The following ZNF821 variants were observed in gnomAD, a reference collection of about 807,000 sequenced individuals.
The protein encoded by ZNF821 is zinc finger protein 821.
A neutral mutation model predicts 44.3 loss-of-function variants in ZNF821; 16 were observed. That is an observed-to-expected ratio of 0.36 (90% CI 0.24 to 0.55). ZNF821 has a LOEUF of 0.55. ZNF821 is among the 20% of genes least tolerant of loss of function. The probability of loss-of-function intolerance (pLI) is 0.86; values close to 1 mark genes in which losing one functional copy is unlikely to be tolerated. For synonymous variants in ZNF821, 204 were observed against 197.6 expected (o/e 1.03, Z -0.27); for missense variants, 436 against 547.6 (o/e 0.80, Z 2.03).
chr16:71,879,775 C>G (rs2036232837), intron 3 of ZNF821, 132 bp downstream of exon 3: 1 of 863,360 alleles, frequency 1.2e-6, no homozygotes, highest in Admixed American at 2.6e-5. Flanking sequence ...CTCTTCTGCT[C>G]AGCAAACTGT....
rs2142332879 is a variant in ZNF821, at chr16:71,860,277, A to G, written c.980T>C (p.Met327Thr). The G allele has an allele frequency of 1.2e-6, 2 of 1,613,770 alleles. No homozygotes were observed. The highest frequency in any genetic ancestry group is 2.2e-5 in the East Asian group (1 of 44,864). Residue 327 changes from methionine (M) to threonine (T), a missense_variant, in exon 8 of 8, where the codon ATG (methionine) becomes ACG (threonine). Coordinates refer to ENST00000425432, the MANE Select transcript of ZNF821 (RefSeq NM_001201552.2). This position sits in a 1 kb window ranked among gnomAD's most constrained non-coding sequence, Gnocchi z 7.3. ...GGTTTCATTGGCCCGCTTCAGCCTCATGGCCTCCCGATCCCGCTGCAGCCG... is the reference window on the plus strand; with the variant it reads ...GGTTTCATTGGCCCGCTTCAGCCTCGTGGCCTCCCGATCCCGCTGCAGCCG... ...ARRLQRDREA[M>T]RLKRANETPE...
intron 4 of ZNF821, among the ~76,000 whole-genome samples, chr16:71,866,161 T>TGAGGAGCCC (rs2034520475): frequency 1.3e-5 from 2 of 151,706 alleles, no homozygotes; most frequent in Admixed American, 1.3e-4. Flanking sequence ...TAGGGCAGAG[T>TGAGGAGCCC]CTCACCAGGC....
At chr16:71,876,249 G>A (rs1054233065) in intron 3 of ZNF821, among the ~76,000 whole-genome samples, 1 of 152,020 alleles carries the variant, frequency 6.6e-6, no homozygotes, top group African/African-American at 2.4e-5. Context: ...TGTTGCCCAG[G>A]CTAGAGTGCA....
chr16:71,868,442 T>C (rs542157166), intron 3 of ZNF821, among the ~76,000 whole-genome samples: 2 of 152,340 alleles, frequency 1.3e-5, no homozygotes, highest in Admixed American at 1.3e-4. Context: ...CCTTAATGTA[T>C]TAGCATTATG....
intron 2 of ZNF821, chr16:71,882,305 A>C (rs1407856693): frequency 6.6e-6 from 1 of 151,724 alleles, no homozygotes; most frequent in Non-Finnish European, 1.5e-5. Context: ...AATTTAAAAA[A>C]ATAAAATATA....
chr16:71,869,594 G>A (rs1217269086), intron 3 of ZNF821, among the ~76,000 whole-genome samples: 1 of 152,140 alleles, frequency 6.6e-6, no homozygotes, highest in Non-Finnish European at 1.5e-5. Context: ...AAGGTTAACG[G>A]TGGAACCAAG....
chr16:71,891,323 G>C (rs1418446643), intron 1 of ZNF821: 1 of 152,138 alleles, frequency 6.6e-6, no homozygotes, highest in Non-Finnish European at 1.5e-5. Context: ...GATTTTCAAG[G>C]GAAACAGTGT....
At chr16:71,879,215 C>T (rs2036173590) in intron 3 of ZNF821, among the ~76,000 whole-genome samples, 1 of 152,210 alleles carries the variant, frequency 6.6e-6, no homozygotes, top group Non-Finnish European at 1.5e-5. Context: ...GACTTTTGAA[C>T]AAATGAGACC....
At chr16:71,879,621 A>G (rs1256693642) in intron 3 of ZNF821, among the ~76,000 whole-genome samples, 2 of 152,172 alleles carry the variant, frequency 1.3e-5, no homozygotes, top group African/African-American at 4.8e-5. Context: ...TAGGTATCCT[A>G]TAACTGTTTG....
At chr16:71,869,622 A>G (rs531709611) in intron 3 of ZNF821, among the ~76,000 whole-genome samples, 52 of 152,204 alleles carry the variant, frequency 3.4e-4, no homozygotes, top group African/African-American at 1.3e-3. Context: ...ACCCACATCT[A>G]ACTCTAATGT....
At chr16:71,889,858 T>C (rs754445378) in intron 1 of ZNF821, among the ~76,000 whole-genome samples, 3 of 152,122 alleles carry the variant, frequency 2.0e-5, no homozygotes, top group Non-Finnish European at 4.4e-5. Flanking sequence ...CTCAGGAGGC[T>C]GATGTGGGAG....
At chr16:71,885,007 A>G (rs1180797830), upstream of ZNF821, among the ~76,000 whole-genome samples, 2 of 151,980 alleles carry the variant, frequency 1.3e-5, no homozygotes, top group Non-Finnish European at 2.9e-5. Flanking sequence ...ACAGGCGTGC[A>G]CCACCACGCC....
chr16:71,867,009 T>G (rs1030703861), intron 4 of ZNF821, among the ~76,000 whole-genome samples: 2 of 152,204 alleles, frequency 1.3e-5, no homozygotes, highest in Non-Finnish European at 2.9e-5. Flanking sequence ...CAAGACGTGT[T>G]TGTTCAGACA....
chr16:71,861,724 C>T, intron 7 of ZNF821, 52 bp downstream of exon 7: 1 of 1,604,688 alleles, frequency 6.2e-7, no homozygotes, highest in Non-Finnish European at 8.5e-7. Context: ...GAAAGCAGAA[C>T]TCACACCCAG....
chr16:71,892,327 C>T (rs2036891125), intron 1 of ZNF821, among the ~76,000 whole-genome samples: 1 of 150,768 alleles, frequency 6.6e-6, no homozygotes, highest in South Asian at 2.1e-4. Context: ...AGGGCAGGGG[C>T]GCGATCTCGG....
At chr16:71,869,448 G>A (rs1174337165) in intron 3 of ZNF821, among the ~76,000 whole-genome samples, 1 of 152,188 alleles carries the variant, frequency 6.6e-6, no homozygotes, top group Admixed American at 6.5e-5. Context: ...TTATATGCCA[G>A]CTACCAAACA....
intron 3 of ZNF821, among the ~76,000 whole-genome samples, chr16:71,870,520 C>G (rs958091835): frequency 2.9e-4 from 42 of 142,988 alleles, no homozygotes; most frequent in Middle Eastern, 6.8e-3. Flanking sequence ...AGACAAGAGT[C>G]TCAGGCTGGA....
At chr16:71,879,389 G>C (rs529899306) in intron 3 of ZNF821, among the ~76,000 whole-genome samples, 2 of 152,036 alleles carry the variant, frequency 1.3e-5, no homozygotes, top group African/African-American at 4.8e-5. Context: ...TCAGGCGCAT[G>C]GTCTAGAGGC....
chr16:71,880,098 C>T, intron 2 of ZNF821, 75 bp from the exon 3 acceptor site: 1 of 638,720 alleles, frequency 1.6e-6, no homozygotes, highest in Non-Finnish European at 2.6e-6. Context: ...ATAAAATGTC[C>T]TTAAAAAACA....
Sources: allele counts gnomAD v4.1 joint callset (sites outside exome capture counted in the v4.1 genomes callset), GRCh38; gene constraint gnomAD v4.1.1; non-coding constraint Gnocchi (gnomAD v3.1); transcripts MANE v1.5; gene names NCBI Gene and HGNC (gene_info 2026-07-23, HGNC 2026-07-21).